Variants in CNTNAP5 observed in about 807,000 individuals in gnomAD.
The protein encoded by CNTNAP5 is contactin-associated protein-like 5.
CNTNAP5 carries 72 observed loss-of-function variants against 150.2 expected under a neutral mutation model. That is an observed-to-expected ratio of 0.48 (90% confidence interval 0.40 to 0.58). The LOEUF is 0.58. Ranked by LOEUF, CNTNAP5 falls within the 20% of genes least tolerant of loss-of-function variation. The probability of loss-of-function intolerance (pLI) is 0.00; values close to 1 mark genes in which losing one functional copy is unlikely to be tolerated. For missense variants in CNTNAP5, 1,636 were observed against 1,626.2 expected (o/e 1.01, Z -0.10); for synonymous variants, 672 against 619.8 (o/e 1.08, Z -1.25).
intron 11 of CNTNAP5, among the ~76,000 whole-genome samples, chr2:124,571,152 G>T (rs192772937): frequency 1.6e-4 from 25 of 152,238 alleles, no homozygotes; most frequent in South Asian, 8.3e-4. Context: ...AAGAGGAGGA[G>T]ATTTAGTAGT....
At position 124,644,377 on chromosome 2, in the gene CNTNAP5, G is replaced by A. The variant is rs548112191; in HGVS notation, c.1877-3381G>A. 1.6e-4 allele frequency among the ~76,000 whole-genome samples: 24 copies of A among 152,240 alleles called. No individual in the cohort carries two copies. The South Asian group carries it at 5.0e-3, about 32-fold the overall frequency. ...CAATGCAGCTGAGGAAGAAAAGATA[G>A]GAAGCGAGGAAAAATATTATGGCAA... On this transcript the variant is annotated intron_variant, in intron 12 of 23. Coordinates refer to ENST00000682447, the MANE Select transcript of CNTNAP5 (RefSeq NM_001367498.1).
chr2:124,719,699 T>G (rs1363230007), intron 13 of CNTNAP5, among the ~76,000 whole-genome samples: 1 of 152,228 alleles, frequency 6.6e-6, no homozygotes, highest in Non-Finnish European at 1.5e-5. Context: ...ATCCCCATTT[T>G]TTTTAACTCT....
intron 8 of CNTNAP5, among the ~76,000 whole-genome samples, chr2:124,515,748 C>T (rs1188761124): frequency 6.6e-6 from 1 of 152,198 alleles, no homozygotes; most frequent in Non-Finnish European, 1.5e-5. Flanking sequence ...AGCCCCAATT[C>T]ACTAAGTATA....
At chr2:124,548,590 G>GCAAT (rs1331452922) in intron 10 of CNTNAP5, among the ~76,000 whole-genome samples, 1 of 152,078 alleles carries the variant, frequency 6.6e-6, no homozygotes, top group African/African-American at 2.4e-5. Context: ...ACTGAGCTTA[G>GCAAT]CAATGTGCAA....
intron 12 of CNTNAP5, among the ~76,000 whole-genome samples, chr2:124,630,814 T>C (rs2105008965): frequency 6.6e-6 from 1 of 152,224 alleles, no homozygotes; most frequent in South Asian, 2.1e-4. Context: ...TAATCCTGTA[T>C]CTAGAAAACC....
chr2:124,832,886 C>CAA (rs1682745715), intron 19 of CNTNAP5, among the ~76,000 whole-genome samples: 1 of 151,406 alleles, frequency 6.6e-6, no homozygotes, highest in South Asian at 2.1e-4. Flanking sequence ...ATCATTTAAG[C>CAA]TCTGAACTTT....
chr2:124,066,188 G>GT (rs113418127), intron 1 of CNTNAP5, among the ~76,000 whole-genome samples: 6,902 of 152,058 alleles, frequency 0.045, 530 homozygotes, highest in African/African-American at 0.16. Context: ...GAGAGAGACA[G>GT]TTTTTTTCTT....
chr2:124,862,995 C>T (rs1292652374), intron 19 of CNTNAP5, among the ~76,000 whole-genome samples: 2 of 152,066 alleles, frequency 1.3e-5, no homozygotes, highest in East Asian at 3.9e-4. Context: ...AATACTTTAG[C>T]AGATAGGAAC....
chr2:124,515,704 G>A (rs967581048), intron 8 of CNTNAP5, among the ~76,000 whole-genome samples: 5 of 152,164 alleles, frequency 3.3e-5, no homozygotes, highest in Non-Finnish European at 5.9e-5. Flanking sequence ...AATGGTAAGG[G>A]TAGCGTATAG....
intron 13 of CNTNAP5, among the ~76,000 whole-genome samples, chr2:124,660,887 T>C (rs1391820505): frequency 6.9e-6 from 1 of 144,436 alleles, no homozygotes; most frequent in Non-Finnish European, 1.5e-5. Flanking sequence ...GAGGTTGCAG[T>C]GAGCCAAGAT....
At chr2:124,362,560 T>C (rs1690242439) in intron 3 of CNTNAP5, among the ~76,000 whole-genome samples, 1 of 152,230 alleles carries the variant, frequency 6.6e-6, no homozygotes. Context: ...CGAGCATGTC[T>C]TTCAGCTTCT....
At chr2:124,403,548 GA>G (rs1259151164) in intron 3 of CNTNAP5, among the ~76,000 whole-genome samples, 1 of 152,068 alleles carries the variant, frequency 6.6e-6, no homozygotes, top group Non-Finnish European at 1.5e-5. Flanking sequence ...GACTGATTTT[GA>G]AAAAAGTACA....
chr2:124,355,282 C>G (rs905750434), intron 3 of CNTNAP5, among the ~76,000 whole-genome samples: 8 of 151,966 alleles, frequency 5.3e-5, no homozygotes, highest in Non-Finnish European at 8.8e-5. Context: ...TTTCATTTTT[C>G]ACATTTCTTT....
chr2:124,874,405 G>A (rs181560577), intron 21 of CNTNAP5, among the ~76,000 whole-genome samples: 1 of 152,214 alleles, frequency 6.6e-6, no homozygotes, highest in East Asian at 1.9e-4. Context: ...CTTTATCACT[G>A]TTATTTCTAA....
intron 19 of CNTNAP5, among the ~76,000 whole-genome samples, chr2:124,802,403 A>G (rs769940324): frequency 1.8e-4 from 28 of 152,232 alleles, no homozygotes; most frequent in Non-Finnish European, 3.8e-4. Context: ...AACTGCTGCT[A>G]TCTTTTCAAA....
chr2:124,215,983 T>A (rs1371726188), intron 1 of CNTNAP5, among the ~76,000 whole-genome samples: 1 of 152,100 alleles, frequency 6.6e-6, no homozygotes, highest in Non-Finnish European at 1.5e-5. Context: ...ATTAACTGAA[T>A]AATCTTGGGC....
chr2:124,781,712 C>T (rs538815041), intron 17 of CNTNAP5, among the ~76,000 whole-genome samples: 4 of 152,314 alleles, frequency 2.6e-5, no homozygotes, highest in African/African-American at 7.2e-5. Context: ...GCTTTGGACT[C>T]GGGTTCGTCT....
chr2:124,125,959 C>G (rs1160407512), intron 1 of CNTNAP5, among the ~76,000 whole-genome samples: 1 of 152,126 alleles, frequency 6.6e-6, no homozygotes, highest in African/African-American at 2.4e-5. Flanking sequence ...CAAGGGAAAG[C>G]AGGAAAGATC....
chr2:124,227,999 A>G (rs957694584), intron 2 of CNTNAP5, among the ~76,000 whole-genome samples: 2 of 152,052 alleles, frequency 1.3e-5, no homozygotes, highest in African/African-American at 4.8e-5. Flanking sequence ...TCACATGATT[A>G]TGGAGGCCAA....
Sources: allele counts gnomAD v4.1 joint callset (sites outside exome capture counted in the v4.1 genomes callset), GRCh38; gene constraint gnomAD v4.1.1; transcripts MANE v1.5; gene names NCBI Gene and HGNC (gene_info 2026-07-23, HGNC 2026-07-21).